The following KIDINS220 variants were observed in gnomAD, a reference collection of about 807,000 sequenced individuals.
The protein encoded by KIDINS220 is kinase D-interacting substrate of 220 kDa.
KIDINS220 carries 63 observed loss-of-function variants against 157.6 expected under a neutral mutation model. The observed-to-expected ratio is 0.40, with a 90% CI of 0.33 to 0.49. The LOEUF is 0.49. Ranked by LOEUF, KIDINS220 falls within the 20% of genes least tolerant of loss-of-function variation. The pLI is 0.66. For synonymous variants in KIDINS220, 732 were observed against 783.6 expected (o/e 0.93, Z 1.10); for missense variants, 1,772 against 2,171.2 (o/e 0.82, Z 3.65).
chr2:8,826,862 C>G (rs1363752402), intron 2 of KIDINS220, 124 bp downstream of exon 2: 5 of 445,372 alleles, frequency 1.1e-5, no homozygotes, highest in Non-Finnish European at 1.6e-5. Context: ...GACATTCTAT[C>G]ATAAGTACAG....
intron 24 of KIDINS220, 107 bp downstream of exon 24, chr2:8,750,005 G>T: frequency 1.2e-6 from 1 of 866,646 alleles, no homozygotes; most frequent in Non-Finnish European, 1.8e-6. Context: ...TTTTTCCTAT[G>T]CTAAAGCCAA....
At chr2:8,751,174 A>G (rs1465933535) in intron 23 of KIDINS220, among the ~76,000 whole-genome samples, 6 of 136,602 alleles carry the variant, frequency 4.4e-5, no homozygotes, top group African/African-American at 1.1e-4. Context: ...CCAAAGTTCC[A>G]AAGGAAGGAC....
chr2:8,824,497 A>G (rs1373880080), intron 2 of KIDINS220, among the ~76,000 whole-genome samples: 1 of 152,274 alleles, frequency 6.6e-6, no homozygotes, highest in Middle Eastern at 3.4e-3. Flanking sequence ...CCTGGGCAAC[A>G]TGGCAAAACC....
chr2:8,818,914 T>G (rs1029174157), intron 2 of KIDINS220, 121 bp from the exon 3 acceptor site: 1 of 455,678 alleles, frequency 2.2e-6, no homozygotes, highest in South Asian at 6.3e-5. Context: ...TTGTGTTTAC[T>G]ATATTTAATT....
chr2:8,798,886 G>GGACTCACA (rs1674318453), intron 9 of KIDINS220, among the ~76,000 whole-genome samples: 2 of 152,114 alleles, frequency 1.3e-5, no homozygotes, highest in African/African-American at 4.8e-5. Flanking sequence ...ACACAGAAGA[G>GGACTCACA]GACTCACAGA....
chr2:8,803,500 CTAAAT>C (rs896888337), intron 7 of KIDINS220, among the ~76,000 whole-genome samples: 2 of 151,922 alleles, frequency 1.3e-5, no homozygotes, highest in African/African-American at 4.8e-5. Context: ...TAAACACATT[CTAAAT>C]TAAATAATCC....
At chr2:8,738,613 A>C (rs1364263728) in intron 26 of KIDINS220, among the ~76,000 whole-genome samples, 2 of 152,214 alleles carry the variant, frequency 1.3e-5, no homozygotes, top group African/African-American at 2.4e-5. Flanking sequence ...CATCAGACAA[A>C]CCCAAATTGA....
intron 26 of KIDINS220, among the ~76,000 whole-genome samples, chr2:8,743,422 A>G (rs1447211548): frequency 6.6e-6 from 1 of 152,166 alleles, no homozygotes; most frequent in Non-Finnish European, 1.5e-5. Flanking sequence ...TAGTAATAAT[A>G]ATAATGAAGT....
At chr2:8,805,073 A>T (rs2148339718) in intron 7 of KIDINS220, among the ~76,000 whole-genome samples, 1 of 152,268 alleles carries the variant, frequency 6.6e-6, no homozygotes, top group Admixed American at 6.5e-5. Flanking sequence ...CAGTTTCCAT[A>T]AGGGATATTT....
At chr2:8,776,001 AT>A (rs1282604598) in intron 21 of KIDINS220, among the ~76,000 whole-genome samples, 1 of 152,230 alleles carries the variant, frequency 6.6e-6, no homozygotes, top group Non-Finnish European at 1.5e-5. Flanking sequence ...GAATACATAT[AT>A]GTTGATAACA....
At chr2:8,770,544 A>C in intron 22 of KIDINS220, 126 bp downstream of exon 22, 1 of 499,634 alleles carries the variant, frequency 2.0e-6, no homozygotes. Flanking sequence ...AATTAATAAG[A>C]ATGATTAAAT....
rs1226620089 is a variant in KIDINS220 at position 8,794,001 on chromosome 2, G to T, written c.1099-14C>A. ...AGTATCTCCTTTCTGTAAAATAATA[G>T]TACGAAACTTGAACTTTCTTATCTT... On this transcript the variant is annotated splice_polypyrimidine_tract_variant and intron_variant, in intron 11 of 29. Coordinates refer to ENST00000256707, the MANE Select transcript of KIDINS220 (RefSeq NM_020738.4). The T allele has an allele frequency of 6.3e-7, 1 of 1,576,424 alleles. No homozygotes were observed. The highest frequency in any genetic ancestry group is 8.6e-7 in the Non-Finnish European group (1 of 1,164,022).
chr2:8,793,480 A>T (rs1673483159), intron 12 of KIDINS220, among the ~76,000 whole-genome samples: 1 of 152,146 alleles, frequency 6.6e-6, no homozygotes, highest in African/African-American at 2.4e-5. Context: ...TGGGCAACAG[A>T]GTGAGACCCA....
intron 16 of KIDINS220, 76 bp downstream of exon 16, chr2:8,786,130 G>T: frequency 6.3e-7 from 1 of 1,584,088 alleles, no homozygotes; most frequent in Non-Finnish European, 8.6e-7. Context: ...TTCAAGGTGT[G>T]TTTTCATGAA....
At chr2:8,832,828 C>G (rs572200255) in intron 1 of KIDINS220, among the ~76,000 whole-genome samples, 1 of 152,146 alleles carries the variant, frequency 6.6e-6, no homozygotes, top group Admixed American at 6.5e-5. Context: ...AGCCAGACTA[C>G]CTTGGTTTGA....
At position 8,770,734 on chromosome 2, in the gene KIDINS220, T is replaced by A; in HGVS notation, c.2947A>T (p.Ile983Leu). Reference sequence around the variant, plus strand: ...CCTTCAGTCTCTTCCAAATATAATATGAGCCATGAAGTCCGGTATGGCCAC... The same window carrying A: ...CCTTCAGTCTCTTCCAAATATAATAAGAGCCATGAAGTCCGGTATGGCCAC... ...EQWPYRTSWL[I>L]LYLEETEGIP... The change falls in exon 22 of 30, where the codon ATA becomes TTA. Residue 983 changes from isoleucine to leucine, a missense_variant. This residue lies in a region of KIDINS220 where 725 missense variants were observed against 1,017.1 expected (regional missense o/e 0.71). Coordinates refer to ENST00000256707, the MANE Select transcript of KIDINS220 (RefSeq NM_020738.4). The A allele has an allele frequency of 1.2e-6, 2 of 1,612,164 alleles. No individual in the cohort carries two copies. Among genetic ancestry groups the A allele is most frequent in the Non-Finnish European group, 8.5e-7 (1 of 1,178,562 alleles).
intron 7 of KIDINS220, 77 bp downstream of exon 7, chr2:8,806,194 C>A: frequency 1.9e-6 from 2 of 1,076,916 alleles, no homozygotes; most frequent in Non-Finnish European, 2.8e-6. Flanking sequence ...TCTAGGCATA[C>A]ACTAAAGAAA....
chr2:8,764,573 A>AAT (rs1169369509), intron 22 of KIDINS220, among the ~76,000 whole-genome samples: 2 of 152,208 alleles, frequency 1.3e-5, no homozygotes, highest in African/African-American at 4.8e-5. Context: ...TGTTAGGTGA[A>AAT]ATATACAGTC....
In KIDINS220 at chr2:8,734,768, A is replaced by G. The variant is rs757098860; in HGVS notation, c.3718-15T>C. The G allele has an allele frequency of 1.3e-6, 2 of 1,553,784 alleles. No homozygotes were observed. The highest frequency in any genetic ancestry group is 1.4e-5 in the African/African-American group (1 of 73,542). ...TTTATGTTTGCCTGAGTAAAAATTA[A>G]AACAATTATGGGTATAAAGACAGAA... On this transcript the variant is annotated splice_polypyrimidine_tract_variant and intron_variant, in intron 27 of 29. Coordinates refer to ENST00000256707, the MANE Select transcript of KIDINS220 (RefSeq NM_020738.4).
Sources: gnomAD v4.1 joint callset for allele counts (sites outside exome capture counted in the v4.1 genomes callset) on GRCh38, gnomAD v4.1.1 for gene constraint, gnomAD v4.1.1 regional missense constraint, MANE v1.5 for transcripts, NCBI Gene and HGNC (gene_info 2026-07-23, HGNC 2026-07-21) for gene names.